The following BUB1 variants were observed in gnomAD, a reference collection of about 807,000 sequenced individuals.
The protein encoded by BUB1 is BUB1 mitotic checkpoint serine/threonine kinase.
Under a neutral mutation model 135.2 loss-of-function variants are expected in BUB1, and 84 were observed. The observed-to-expected ratio is 0.62, with a 90% CI of 0.52 to 0.74. The LOEUF (loss-of-function observed/expected upper bound fraction) is 0.74, where lower values mean the gene tolerates loss of function less well. Among genes scored for constraint, BUB1 ranks in the 30% least tolerant of loss-of-function variants. BUB1 has a pLI of 0.00. For synonymous variants in BUB1, 403 were observed against 434.4 expected, an observed-to-expected ratio of 0.93 and a Z score of 0.90; for missense variants, 1,162 against 1,288.3, an observed-to-expected ratio of 0.90 and a Z score of 1.50.
At chr2:110,668,549 AAGG>A (rs1254203739) in intron 6 of BUB1, among the ~76,000 whole-genome samples, 1 of 152,222 alleles carries the variant, frequency 6.6e-6, no homozygotes, top group Non-Finnish European at 1.5e-5. Flanking sequence ...CTTTTGCTTC[AAGG>A]AGGTCCTTGA....
chr2:110,657,688 A>G (rs1482910857), intron 13 of BUB1, 43 bp from the exon 14 acceptor site: 3 of 1,369,262 alleles, frequency 2.2e-6, no homozygotes, highest in East Asian at 4.8e-5. Flanking sequence ...TGTACTAGGA[A>G]AAAACATCCT....
At chr2:110,662,134 CTTAT>C (rs1690117584) in intron 9 of BUB1, 1 of 306,964 alleles carries the variant, frequency 3.3e-6, no homozygotes, top group African/African-American at 2.2e-5. Flanking sequence ...TAAGTATTAT[CTTAT>C]TTCTCTTTAC....
chr2:110,666,378 G>A lies in BUB1; in HGVS notation c.842C>T (p.Ala281Val), dbSNP rs1357727224. ...TAATAGCTGTTCTTCAAAAGCATTTGCTTCTTTCCTTTTCATATAATGTCT... is the reference window on the plus strand; with the variant it reads ...TAATAGCTGTTCTTCAAAAGCATTTACTTCTTTCCTTTTCATATAATGTCT... The part of the protein sequence containing the change: ...EDRHYMKRKE[A>V]NAFEEQLLKQ... Residue 281 changes from alanine to valine, a missense_variant, in exon 9 of 25, where the codon GCA becomes GTA. By Grantham distance (64) the Ala-to-Val change is moderately conservative (BLOSUM62 0). Transcript: ENST00000302759. 2 of 1,513,920 alleles carry A rather than the reference G, an allele frequency of 1.3e-6. No homozygotes were observed. The highest frequency in any genetic ancestry group is 1.8e-6 in the Non-Finnish European group (2 of 1,129,374). The allele number at this position is 1,513,920 out of a possible 1,614,324, so 93.8% of individuals were successfully genotyped here.
At chr2:110,661,159 C>G (rs963422651) in intron 10 of BUB1, 2 of 154,898 alleles carry the variant, frequency 1.3e-5, no homozygotes, top group African/African-American at 4.8e-5. Context: ...GAGACAGAAT[C>G]ATGTGTATTA....
In BUB1 at chr2:110,655,772, G is replaced by A. The variant is rs746960445; in HGVS notation, c.1843C>T (p.Pro615Ser). The A allele has an allele frequency of 4.3e-6, 7 of 1,613,792 alleles. No individual in the cohort carries two copies. Among genetic ancestry groups the A allele is most frequent in the Non-Finnish European group, 5.1e-6 (6 of 1,179,786 alleles). Residue 615 changes from proline (P) to serine (S), a missense_variant, in exon 16 of 25, where the codon CCA becomes TCA. Pro to Ser is a moderately conservative substitution (Grantham distance 74). Coordinates refer to ENST00000302759, the MANE Select transcript of BUB1 (RefSeq NM_004336.5). ...QLASTPFHKL[P>S]VESVHILEDK... ...TCTAAAATGTGCACTGACTCCACTG[G>A]AAGCTTGTGGAATGGTGTAGACGCA...
rs1330133331 is a variant in BUB1 at position 110,658,327 on chromosome 2, G to T, written c.1516+83C>A. The T allele has an allele frequency of 5.3e-6, 6 of 1,133,446 alleles. No individual in the cohort carries two copies. In the African/African-American group the frequency reaches 9.4e-5, roughly 18 times the overall value. The allele number at this position is 1,133,446 out of a possible 1,614,324, so 70.2% of individuals were successfully genotyped here. A position where few individuals can be genotyped will look rare whatever the true frequency, so the allele number is the denominator to read the frequency against. On this transcript the variant is annotated intron_variant, in intron 13 of 24. Coordinates refer to ENST00000302759, the MANE Select transcript of BUB1 (RefSeq NM_004336.5). ...ATGTGACAAGCTAATCAAGGGCAGG[G>T]TCACCTCTTAAATAATTCTTGATAT...
At position 110,638,149 on chromosome 2, in the gene BUB1, A is replaced by G. The variant is rs1372526443; in HGVS notation, c.3073T>C (p.Leu1025=). 1 of 1,593,418 alleles carries G rather than the reference A, an allele frequency of 6.3e-7. No individual in the cohort carries two copies. Among genetic ancestry groups the G allele is most frequent in the African/African-American group, 1.4e-5 (1 of 74,044 alleles). The change falls in exon 25 of 25, where the codon TTG becomes CTG. Residue 1025 remains leucine, a synonymous_variant. Transcript: ENST00000302759. ...PEGLFRRLPH[L]DMWNEFFHVM... Reference sequence around the variant, plus strand: ...TGAAAAAATTCATTCCACATATCCAAATGAGGAAGCCTGAAAAAGACAAAG... The same window carrying G: ...TGAAAAAATTCATTCCACATATCCAGATGAGGAAGCCTGAAAAAGACAAAG...
chr2:110,661,250 G>GT (rs891584234), intron 10 of BUB1: 104 of 278,880 alleles, frequency 3.7e-4, no homozygotes, highest in African/African-American at 2.2e-3. Context: ...TATGATCCCT[G>GT]TAGGTATTCA....
chr2:110,654,633 CTT>C lies in BUB1; in HGVS notation c.1876+1104_1876+1105del, dbSNP rs57453073. Among the ~76,000 whole-genome samples, 585 of 126,866 alleles carry C rather than the reference CTT, an allele frequency of 4.6e-3. 4 individuals are homozygous for C. Among genetic ancestry groups the C allele is most frequent in the African/African-American group, 0.013 (472 of 35,946 alleles). The allele number at this position is 126,866 out of a possible 152,430, so 83.2% of individuals were successfully genotyped here. ...TTTCCTGGATGGAAAAGGCTTTAATCTTTTTTTTTTTTTTTTTTAATTAAAAG... is the reference window on the plus strand; with the variant it reads ...TTTCCTGGATGGAAAAGGCTTTAATCTTTTTTTTTTTTTTTTAATTAAAAG... On this transcript the variant is annotated intron_variant, in intron 16 of 24. Coordinates refer to ENST00000302759, the MANE Select transcript of BUB1 (RefSeq NM_004336.5).
Position 110,655,727 on chromosome 2 carries a change from T to C in BUB1, c.1876+12A>G. On this transcript the variant is annotated intron_variant, in intron 16 of 24. Coordinates refer to ENST00000302759, the MANE Select transcript of BUB1 (RefSeq NM_004336.5). The stretch of plus-strand genomic sequence containing the variant: ...TGGCAGAAGACAGACACTAAAACAG[T>C]GTAACACACACCTTTATCTTCTAAA... 1.9e-6 allele frequency: 3 copies of C among 1,607,872 alleles called. No homozygotes were observed. Among genetic ancestry groups the C allele is most frequent in the African/African-American group, 1.3e-5 (1 of 74,916 alleles).
At chr2:110,643,339 C>T (rs1223225499) in intron 19 of BUB1, among the ~76,000 whole-genome samples, 15 of 152,048 alleles carry the variant, frequency 9.9e-5, no homozygotes, top group Admixed American at 8.5e-4. Context: ...TTAAAAAGTC[C>T]GTAGGGAAAC....
At position 110,638,000 on chromosome 2, in the gene BUB1, A is replaced by C; in HGVS notation, c.3222T>G (p.Ile1074Met). 2 of 1,576,696 alleles carry C rather than the reference A, an allele frequency of 1.3e-6. No individual in the cohort carries two copies. Among genetic ancestry groups the C allele is most frequent in the Non-Finnish European group, 1.7e-6 (2 of 1,163,038 alleles). ...AACGCTTACATTCTAAGAGCAGTAC[A>C]ATTAGCCTATTACGTAGGGCCCTAA... ...NKIRALRNRLIVLLLECKRSR... is the reference protein window; with the variant it reads ...NKIRALRNRLMVLLLECKRSR... Residue 1074 changes from isoleucine (I) to methionine (M), a missense_variant, in exon 25 of 25, where the codon ATT (isoleucine) becomes ATG (methionine). Ile to Met is a conservative substitution (Grantham distance 10). Transcript: ENST00000302759.
At position 110,667,522 on chromosome 2, in the gene BUB1, C is replaced by T; in HGVS notation, c.804G>A (p.Trp268Ter). The change falls in exon 8 of 25, where the codon TGG (tryptophan) becomes TGA (stop). Residue 268 changes from tryptophan to a stop codon, truncating the protein, a stop_gained and splice_region_variant. Transcript: ENST00000302759. LOFTEE classifies it high-confidence loss of function. Reference protein sequence around the residue: ...KYNQRRKHEQWVNEDRHYMKR... With the variant: ...KYNQRRKHEQ ...CTAAAAATACAAGATTGCAAGTACC[C>T]CATTGCTCATGCTTTCTCCGTTGAT... 1 of 1,610,060 alleles carries T rather than the reference C, an allele frequency of 6.2e-7. No homozygotes were observed. The highest frequency in any genetic ancestry group is 8.5e-7 in the Non-Finnish European group (1 of 1,178,642).
At chr2:110,673,565 G>C (rs1690482790) in intron 3 of BUB1, among the ~76,000 whole-genome samples, 1 of 151,798 alleles carries the variant, frequency 6.6e-6, no homozygotes, top group South Asian at 2.1e-4. Flanking sequence ...GTTGCTGGTA[G>C]AGAGAAGTCC....
At chr2:110,664,003 TG>T (rs1690172973) in intron 9 of BUB1, among the ~76,000 whole-genome samples, 1 of 129,498 alleles carries the variant, frequency 7.7e-6, no homozygotes, top group South Asian at 2.3e-4. Context: ...CCCTCCAGCC[TG>T]GGAGACAGTG....
rs1689911355 is a variant in BUB1 at position 110,655,675 on chromosome 2, C to T, written c.1876+64G>A. 7 of 1,379,234 alleles carry T rather than the reference C, an allele frequency of 5.1e-6. No individual in the cohort carries two copies. The South Asian group carries it at 1.2e-4, about 24-fold the overall frequency. The allele number at this position is 1,379,234 out of a possible 1,614,324, so 85.4% of individuals were successfully genotyped here. ...GAAGAAAACTACAAGAATCAAACTT[C>T]ATGAAGAAAACTGAAAGAATCAAAG... On this transcript the variant is annotated intron_variant, in intron 16 of 24. Coordinates refer to ENST00000302759, the MANE Select transcript of BUB1 (RefSeq NM_004336.5).
intron 19 of BUB1, among the ~76,000 whole-genome samples, chr2:110,644,821 T>C (rs1689602031): frequency 6.6e-6 from 1 of 152,128 alleles, no homozygotes; most frequent in Non-Finnish European, 1.5e-5. Flanking sequence ...AAATTATCCT[T>C]CAAATGTGAA....
Position 110,673,628 on chromosome 2 carries a change from C to CT in BUB1, c.225+457dup, listed in dbSNP as rs547421634. Among the ~76,000 whole-genome samples, 5 of 152,132 alleles carry CT rather than the reference C, an allele frequency of 3.3e-5. No individual in the cohort carries two copies. In the East Asian group the frequency reaches 9.6e-4, roughly 29 times the overall value. ...CGGGGGGTGGGGACAGAGTCTCACT[C>CT]TGTCACCCAGGCTGGAGTGCAGTGA... On this transcript the variant is annotated intron_variant, in intron 3 of 24. Transcript: ENST00000302759.
Position 110,642,133 on chromosome 2 carries a change from T to C in BUB1, c.2449A>G (p.Lys817Glu). The C allele has an allele frequency of 6.2e-7, 1 of 1,607,288 alleles. No homozygotes were observed. The highest frequency in any genetic ancestry group is 8.5e-7 in the Non-Finnish European group (1 of 1,176,740). Residue 817 changes from lysine to glutamate, a missense_variant, in exon 20 of 25, where the codon AAA (lysine) becomes GAA (glutamate). Lys to Glu is a moderately conservative substitution (Grantham distance 56). Coordinates refer to ENST00000302759, the MANE Select transcript of BUB1 (RefSeq NM_004336.5). ...GDLNDAKNKQ[K>E]FVLKVQKPAN... Reference sequence around the variant, plus strand: ...AGGTCATTTACCTTTAAAACAAATTTCTGTTTATTTTTAGCATCATTCAGA... The same window carrying C: ...AGGTCATTTACCTTTAAAACAAATTCCTGTTTATTTTTAGCATCATTCAGA...
Sources: gnomAD v4.1 joint callset for allele counts (sites outside exome capture counted in the v4.1 genomes callset) on GRCh38, gnomAD v4.1.1 for gene constraint, MANE v1.5 for transcripts, NCBI Gene and HGNC (gene_info 2026-07-23, HGNC 2026-07-21) for gene names.